Variants in NCAM2 observed in about 807,000 individuals in gnomAD.
NCAM2 encodes N-CAM-2.
A neutral mutation model predicts 98.1 loss-of-function variants in NCAM2; 30 were observed. That is an observed-to-expected ratio of 0.31 (90% CI 0.23 to 0.41). The LOEUF is 0.41. NCAM2 is among the 10% of genes least tolerant of loss of function. The pLI is 1.00. For synonymous variants in NCAM2, 368 were observed against 342.4 expected, an observed-to-expected ratio of 1.07 and a Z score of -0.83; for missense variants, 867 against 1,005.8, an observed-to-expected ratio of 0.86 and a Z score of 1.87.
chr21:21,159,440 T>C (rs2067714910), intron 1 of NCAM2, among the ~76,000 whole-genome samples: 1 of 152,190 alleles, frequency 6.6e-6, no homozygotes, highest in Admixed American at 6.5e-5. Flanking sequence ...TCCTGCAAGC[T>C]CCATTTATGG....
intron 9 of NCAM2, among the ~76,000 whole-genome samples, chr21:21,392,583 C>G (rs1179013736): frequency 6.6e-6 from 1 of 152,146 alleles, no homozygotes; most frequent in Non-Finnish European, 1.5e-5. Flanking sequence ...TAACAGTGTT[C>G]CTTTTTCTCC....
chr21:21,489,041 A>C (rs929093765), intron 15 of NCAM2, among the ~76,000 whole-genome samples: 1 of 151,788 alleles, frequency 6.6e-6, no homozygotes, highest in Admixed American at 6.6e-5. Context: ...CCCAAGCTGG[A>C]GTGCAGTGGC....
At chr21:21,503,119 G>A (rs948190467) in intron 15 of NCAM2, among the ~76,000 whole-genome samples, 9 of 151,782 alleles carry the variant, frequency 5.9e-5, no homozygotes, top group Admixed American at 2.0e-4. Context: ...AATAGTCCCT[G>A]CTTTAGCCAG....
intron 1 of NCAM2, among the ~76,000 whole-genome samples, chr21:21,081,651 C>T (rs1041563714): frequency 6.8e-6 from 1 of 147,508 alleles, no homozygotes; most frequent in African/African-American, 2.5e-5. Context: ...AACTACAAAA[C>T]GTAGCCAGGC....
intron 1 of NCAM2, among the ~76,000 whole-genome samples, chr21:21,019,461 G>A (rs2064383451): frequency 6.6e-6 from 1 of 152,102 alleles, no homozygotes; most frequent in Non-Finnish European, 1.5e-5. Context: ...CCACTTGCTG[G>A]ATGTGAGGTC....
intron 9 of NCAM2, among the ~76,000 whole-genome samples, chr21:21,403,254 T>G (rs1486340709): frequency 6.6e-6 from 1 of 152,150 alleles, no homozygotes; most frequent in East Asian, 1.9e-4. Flanking sequence ...ATAGTAGAGA[T>G]TTAAGTTAAT....
intron 1 of NCAM2, among the ~76,000 whole-genome samples, chr21:21,073,418 A>AT (rs1206794863): frequency 6.6e-6 from 1 of 152,102 alleles, no homozygotes; most frequent in Non-Finnish European, 1.5e-5. Context: ...TTAATCAAGT[A>AT]TTTTTTTCAG....
At chr21:21,250,267 T>C (rs1225542982) in intron 1 of NCAM2, among the ~76,000 whole-genome samples, 1 of 152,212 alleles carries the variant, frequency 6.6e-6, no homozygotes, top group Non-Finnish European at 1.5e-5. Context: ...ATTAAATTTG[T>C]TACAAGCACT....
intron 15 of NCAM2, among the ~76,000 whole-genome samples, chr21:21,499,286 G>T (rs1002577655): frequency 6.6e-6 from 1 of 152,132 alleles, no homozygotes; most frequent in African/African-American, 2.4e-5. Flanking sequence ...TCTCGCTCCA[G>T]GCTGGAGTGC....
At chr21:21,451,625 A>G (rs1371715971) in intron 12 of NCAM2, among the ~76,000 whole-genome samples, 1 of 152,100 alleles carries the variant, frequency 6.6e-6, no homozygotes, top group Non-Finnish European at 1.5e-5. Context: ...GCATTTAACA[A>G]CTGTGTAATA....
chr21:21,077,218 C>T (rs8133629), intron 1 of NCAM2, among the ~76,000 whole-genome samples: 5,640 of 152,242 alleles, frequency 0.037, 326 homozygotes, highest in African/African-American at 0.13. Flanking sequence ...TTGCAACTGA[C>T]ATGGTGATTA....
chr21:21,021,722 C>T (rs575470265), intron 1 of NCAM2, among the ~76,000 whole-genome samples: 1 of 152,260 alleles, frequency 6.6e-6, no homozygotes, highest in Admixed American at 6.5e-5. Context: ...TTTTTAAAAA[C>T]ACTTCTTAGT....
Position 21,418,094 on chromosome 21 carries a change from C to CAT in NCAM2, c.1384-369_1384-368dup, listed in dbSNP as rs202190583. On this transcript the variant is annotated intron_variant, in intron 10 of 17. Coordinates refer to ENST00000400546, the MANE Select transcript of NCAM2 (RefSeq NM_004540.5). ...CTACATTGATTGCAAACTATAGATA[C>CAT]ATATATATATACATGTATACATAAA... 9.0e-3 allele frequency among the ~76,000 whole-genome samples: 1,240 copies of CAT among 137,872 alleles called. 21 individuals are homozygous for CAT. Among genetic ancestry groups the CAT allele is most frequent in the African/African-American group, 0.031 (1,161 of 37,494 alleles). 90.4% of individuals were successfully genotyped at this position (137,872 alleles called of 152,430 possible).
At chr21:21,133,514 A>C (rs961535733) in intron 1 of NCAM2, among the ~76,000 whole-genome samples, 1 of 152,174 alleles carries the variant, frequency 6.6e-6, no homozygotes, top group South Asian at 2.1e-4. Context: ...GGAGTACCAA[A>C]TGGGAAAAGA....
At chr21:21,464,029 T>C (rs2826853) in intron 12 of NCAM2, among the ~76,000 whole-genome samples, 60,177 of 151,972 alleles carry the variant, frequency 0.4, 13,344 homozygotes, top group Non-Finnish European at 0.51. Flanking sequence ...TCTACACTTC[T>C]GATTTATGTA....
intron 10 of NCAM2, among the ~76,000 whole-genome samples, chr21:21,415,537 G>A (rs545535733): frequency 4.6e-5 from 7 of 151,650 alleles, no homozygotes; most frequent in Admixed American, 1.3e-4. Context: ...GGGTTTCACC[G>A]TGTTAGCCAG....
intron 12 of NCAM2, among the ~76,000 whole-genome samples, chr21:21,444,082 A>G (rs188821658): frequency 6.6e-6 from 1 of 152,158 alleles, no homozygotes; most frequent in Non-Finnish European, 1.5e-5. Flanking sequence ...GCCTGCATCT[A>G]TTGAGATTAT....
Position 21,542,303 on chromosome 21 carries a change from T to C in NCAM2, c.*4346T>C, listed in dbSNP as rs1990262633. On this transcript the variant is annotated 3_prime_UTR_variant, in exon 18 of 18. Transcript: ENST00000400546. ...ATGCGAATAGATTAATTATATCTTCTCATATAAAGGCAAAGAATTTTATAT... is the reference window on the plus strand; with the variant it reads ...ATGCGAATAGATTAATTATATCTTCCCATATAAAGGCAAAGAATTTTATAT... 1 of 151,794 alleles carries C rather than the reference T, an allele frequency of 6.6e-6. No homozygotes were observed. The highest frequency in any genetic ancestry group is 2.1e-4 in the South Asian group (1 of 4,828). 9.4% of individuals were successfully genotyped at this position (151,794 alleles called of 1,614,324 possible). A position where few individuals can be genotyped will look rare whatever the true frequency, so the allele number is the denominator to read the frequency against.
chr21:21,502,440 C>G (rs1318363739), intron 15 of NCAM2, among the ~76,000 whole-genome samples: 1 of 151,794 alleles, frequency 6.6e-6, no homozygotes, highest in Non-Finnish European at 1.5e-5. Context: ...GTCTATTGAC[C>G]TTAATCTACA....
Sources: allele counts gnomAD v4.1 joint callset (sites outside exome capture counted in the v4.1 genomes callset), GRCh38; gene constraint gnomAD v4.1.1; transcripts MANE v1.5; gene names NCBI Gene and HGNC (gene_info 2026-07-23, HGNC 2026-07-21).